The following NBEA variants were observed in gnomAD, a reference collection of about 807,000 sequenced individuals.
NBEA encodes the protein lysosomal-trafficking regulator 2.
In NBEA, 44 loss-of-function variants were observed where a neutral mutation model predicts 343.4. That is an observed-to-expected ratio of 0.13 (90% CI 0.10 to 0.16). The LOEUF (loss-of-function observed/expected upper bound fraction) is 0.16, where lower values mean the gene tolerates loss of function less well. Among genes scored for constraint, NBEA ranks in the 10% least tolerant of loss-of-function variants. The probability of loss-of-function intolerance (pLI) is 1.00; values close to 1 mark genes in which losing one functional copy is unlikely to be tolerated. For missense variants in NBEA, 2,555 were observed against 3,631.3 expected (o/e 0.70, Z 7.62); for synonymous variants, 1,175 against 1,238.7 (o/e 0.95, Z 1.08).
chr13:35,321,209 T>G (rs2038115364), intron 36 of NBEA, among the ~76,000 whole-genome samples: 1 of 152,152 alleles, frequency 6.6e-6, no homozygotes, highest in African/African-American at 2.4e-5. Flanking sequence ...TCAGCTGGTT[T>G]TTCCTCATCT....
chr13:35,313,764 T>G (rs2037527112), intron 36 of NBEA, among the ~76,000 whole-genome samples: 2 of 152,084 alleles, frequency 1.3e-5, no homozygotes, highest in Non-Finnish European at 2.9e-5. Flanking sequence ...AGAGGTATTT[T>G]TTGAAAAAGT....
chr13:35,406,776 C>G (rs1403839363), intron 38 of NBEA, among the ~76,000 whole-genome samples: 2 of 152,040 alleles, frequency 1.3e-5, no homozygotes, highest in Non-Finnish European at 2.9e-5. Flanking sequence ...TCTGAACACT[C>G]AATTGTTAAT....
chr13:35,273,421 A>T (rs2034325740), intron 34 of NBEA, among the ~76,000 whole-genome samples: 1 of 152,188 alleles, frequency 6.6e-6, no homozygotes, highest in Non-Finnish European at 1.5e-5. Context: ...AAGATCTAAA[A>T]TCGACACCCT....
At chr13:35,409,612 A>G (rs969925450) in intron 38 of NBEA, among the ~76,000 whole-genome samples, 2 of 152,168 alleles carry the variant, frequency 1.3e-5, no homozygotes, top group African/African-American at 4.8e-5. Flanking sequence ...TATGTAACTA[A>G]TAATAAGTTA....
chr13:34,963,508 G>A (rs2059724445), intron 1 of NBEA, among the ~76,000 whole-genome samples: 2 of 151,978 alleles, frequency 1.3e-5, no homozygotes, highest in Admixed American at 6.6e-5. Context: ...TTTTTGGGGG[G>A]ATACAGTGCA....
At chr13:35,377,909 G>T (rs1234922670) in intron 38 of NBEA, among the ~76,000 whole-genome samples, 4 of 152,128 alleles carry the variant, frequency 2.6e-5, no homozygotes, top group African/African-American at 7.2e-5. Context: ...ACACTGATTT[G>T]TGTCTTTTCA....
intron 41 of NBEA, among the ~76,000 whole-genome samples, chr13:35,496,540 G>A (rs1478060354): frequency 2.6e-5 from 4 of 151,088 alleles, no homozygotes; most frequent in Admixed American, 6.6e-5. Context: ...AGGCTAAGGT[G>A]GAAGGATCAC....
intron 39 of NBEA, among the ~76,000 whole-genome samples, chr13:35,442,005 C>G (rs2045765526): frequency 6.6e-6 from 1 of 152,054 alleles, no homozygotes; most frequent in Non-Finnish European, 1.5e-5. Context: ...CGTATTGGTA[C>G]ATGATGCAGG....
At chr13:35,557,428 G>T (rs1464041444) in intron 44 of NBEA, among the ~76,000 whole-genome samples, 1 of 152,174 alleles carries the variant, frequency 6.6e-6, no homozygotes, top group Non-Finnish European at 1.5e-5. Context: ...CACCTGAGCA[G>T]TATAGAGCCT....
At chr13:35,259,524 A>C (rs1210641949) in intron 34 of NBEA, among the ~76,000 whole-genome samples, 1 of 152,160 alleles carries the variant, frequency 6.6e-6, no homozygotes, top group African/African-American at 2.4e-5. Flanking sequence ...TAACATTTCA[A>C]GTTTTTGTAA....
Position 35,671,300 on chromosome 13 carries a change from A to G in NBEA, c.*309A>G, listed in dbSNP as rs1051483880. Reference sequence around the variant, plus strand: ...TAGGATGTGTCACAAGAGACTTTTGACAATTCTGAGGAACCTTGTGTCCAG... The same window carrying G: ...TAGGATGTGTCACAAGAGACTTTTGGCAATTCTGAGGAACCTTGTGTCCAG... On this transcript the variant is annotated 3_prime_UTR_variant, in exon 59 of 59. Coordinates refer to ENST00000379939, the MANE Select transcript of NBEA (RefSeq NM_001385012.1). The G allele has an allele frequency of 4.8e-6, 1 of 208,332 alleles. No individual in the cohort carries two copies. Among genetic ancestry groups the G allele is most frequent in the Non-Finnish European group, 9.7e-6 (1 of 103,502 alleles). 12.9% of individuals were successfully genotyped at this position (208,332 alleles called of 1,614,324 possible). A position where few individuals can be genotyped will look rare whatever the true frequency, so the allele number is the denominator to read the frequency against.
intron 1 of NBEA, among the ~76,000 whole-genome samples, chr13:34,981,733 G>GTT (rs75570646): frequency 1.4e-5 from 2 of 143,712 alleles, no homozygotes. Flanking sequence ...TTGTGGGAAG[G>GTT]TTTTTTTTTT....
At chr13:35,388,317 CTT>C (rs1306652597) in intron 38 of NBEA, among the ~76,000 whole-genome samples, 1 of 152,060 alleles carries the variant, frequency 6.6e-6, no homozygotes, top group African/African-American at 2.4e-5. Context: ...GGGTGTAACA[CTT>C]TTTCATACAA....
In NBEA at chr13:35,159,473, GTGC is replaced by G; in HGVS notation, c.3308_3310del (p.Ala1103del). The stretch of plus-strand genomic sequence containing the variant: ...GAATCTCTGTTGGATAATGTATATA[GTGC>G]TGCTGTTGAGAAACTCCAGAACAAT... On this transcript the variant is annotated inframe_deletion, in exon 22 of 59. Transcript: ENST00000379939. 1 of 1,613,288 alleles carries G rather than the reference GTGC, an allele frequency of 6.2e-7. No individual in the cohort carries two copies. The highest frequency in any genetic ancestry group is 8.5e-7 in the Non-Finnish European group (1 of 1,179,590).
At chr13:35,383,684 G>A (rs551580476) in intron 38 of NBEA, among the ~76,000 whole-genome samples, 10 of 152,126 alleles carry the variant, frequency 6.6e-5, no homozygotes, top group East Asian at 3.9e-4. Flanking sequence ...TCTATTGGAC[G>A]TAGCTGTACT....
chr13:35,271,797 G>T (rs2034178050), intron 34 of NBEA, among the ~76,000 whole-genome samples: 1 of 152,130 alleles, frequency 6.6e-6, no homozygotes, highest in African/African-American at 2.4e-5. Flanking sequence ...ATGAAGACAA[G>T]ATTAGAGAAA....
intron 1 of NBEA, among the ~76,000 whole-genome samples, chr13:34,943,348 C>T (rs1176100195): frequency 6.6e-6 from 1 of 152,116 alleles, no homozygotes; most frequent in East Asian, 1.9e-4. Flanking sequence ...CAGTGCCCAA[C>T]TTAACACCGC....
At chr13:35,597,889 T>C (rs1375715559) in intron 47 of NBEA, among the ~76,000 whole-genome samples, 1 of 152,148 alleles carries the variant, frequency 6.6e-6, no homozygotes, top group Non-Finnish European at 1.5e-5. Flanking sequence ...CCTGATGAGA[T>C]GAGTTGCAAA....
chr13:35,435,350 A>G (rs2045365188), intron 39 of NBEA, among the ~76,000 whole-genome samples: 1 of 152,104 alleles, frequency 6.6e-6, no homozygotes, highest in Admixed American at 6.6e-5. Context: ...AGTTGGTAAA[A>G]TTTGACTGGG....
Sources: gnomAD v4.1 joint callset for allele counts (sites outside exome capture counted in the v4.1 genomes callset) on GRCh38, gnomAD v4.1.1 for gene constraint, MANE v1.5 for transcripts, NCBI Gene and HGNC (gene_info 2026-07-23, HGNC 2026-07-21) for gene names.